Variants in GDF2 observed in about 807,000 individuals in gnomAD.
GDF2 encodes growth/differentiation factor 2.
Under a neutral mutation model 16.9 loss-of-function variants are expected in GDF2, and 17 were observed. The observed-to-expected ratio is 1.00, with a 90% CI of 0.69 to 1.51. The LOEUF (loss-of-function observed/expected upper bound fraction) is 1.51. Ranked by LOEUF, GDF2 falls within the 40% of genes most tolerant of loss-of-function variation. The pLI is 0.00. For synonymous variants in GDF2, 276 were observed against 237.6 expected, an observed-to-expected ratio of 1.16 and a Z score of -1.49; for missense variants, 523 against 556.3, an observed-to-expected ratio of 0.94 and a Z score of 0.60.
intron 1 of GDF2, among the ~76,000 whole-genome samples, chr10:47,324,269 T>TTATA (rs1481735410): frequency 6.6e-6 from 1 of 152,232 alleles, no homozygotes. Flanking sequence ...TTCAAACGAT[T>TTATA]TATACACTGT....
Position 47,322,983 on chromosome 10 carries a change from G to A in GDF2, c.315G>A (p.Ala105=), listed in dbSNP as rs145198623. The A allele has an allele frequency of 4.6e-5, 74 of 1,602,028 alleles. No homozygotes were observed. In the African/African-American group the frequency reaches 7.4e-4, roughly 16 times the overall value. Residue 105 remains alanine, a synonymous_variant, in exon 1 of 2, where the codon GCG becomes GCA. Transcript: ENST00000581492. ...CGTCCGATAAGTCGACTACGCCAGC[G>A]TCCAACATTGTGCGGAGCTTCAGCA... ...RYTSDKSTTP[A]SNIVRSFSME...
Position 47,325,843 on chromosome 10 carries a change from T to C in GDF2, c.*59T>C, listed in dbSNP as rs2061105032. The C allele has an allele frequency of 8.1e-7, 1 of 1,236,558 alleles. No individual in the cohort carries two copies. Among genetic ancestry groups the C allele is most frequent in the Non-Finnish European group, 1.1e-6 (1 of 900,246 alleles). The allele number at this position is 1,236,558 out of a possible 1,614,324, so 76.6% of individuals were successfully genotyped here. On this transcript the variant is annotated 3_prime_UTR_variant, in exon 2 of 2. Coordinates refer to ENST00000581492, the MANE Select transcript of GDF2 (RefSeq NM_016204.4). ...GGGGCTCCACATGAGAGGTCCTGCATGCCCCTGGGCACAACAAGGACTGAT... is the reference window on the plus strand; with the variant it reads ...GGGGCTCCACATGAGAGGTCCTGCACGCCCCTGGGCACAACAAGGACTGAT...
chr10:47,322,871 G>T lies in GDF2; in HGVS notation c.203G>T (p.Arg68Leu), dbSNP rs200330818. 3.1e-6 allele frequency: 5 copies of T among 1,614,026 alleles called. No homozygotes were observed. The highest frequency in any genetic ancestry group is 2.2e-5 in the South Asian group (2 of 91,090). ...FLENVKVDFL[R>L]SLNLSGVPSQ... ...GAGAACGTGAAGGTGGATTTCCTGCGCAGCCTTAACCTGAGTGGGGTCCCT... is the reference window on the plus strand; with the variant it reads ...GAGAACGTGAAGGTGGATTTCCTGCTCAGCCTTAACCTGAGTGGGGTCCCT... Residue 68 changes from arginine to leucine, a missense_variant, in exon 1 of 2, where the codon CGC (arginine) becomes CTC (leucine). Physicochemically the swap from Arg to Leu is moderately radical, Grantham distance 102. Transcript: ENST00000581492.
chr10:47,325,277 C>T lies in GDF2; in HGVS notation c.783C>T (p.His261=), dbSNP rs369794588. ...TCTTTGTTGTCTTCTCCAATGACCA[C>T]AGCAGTGGGACCAAGGAGACCAGGC... ...LPFFVVFSND[H]SSGTKETRLE... The change falls in exon 2 of 2, where the codon CAC becomes CAT. Residue 261 remains histidine, a synonymous_variant. Coordinates refer to ENST00000581492, the MANE Select transcript of GDF2 (RefSeq NM_016204.4). The T allele has an allele frequency of 4.3e-6, 7 of 1,614,078 alleles. No homozygotes were observed. Among genetic ancestry groups the T allele is most frequent in the Non-Finnish European group, 5.9e-6 (7 of 1,180,060 alleles).
Position 47,322,560 on chromosome 10 carries a change from A to G in GDF2, c.-109A>G, listed in dbSNP as rs1334399025. The G allele has an allele frequency of 2.4e-6, 2 of 817,646 alleles. No individual in the cohort carries two copies. Among genetic ancestry groups the G allele is most frequent in the East Asian group, 5.4e-5 (2 of 36,944 alleles). 50.6% of individuals were successfully genotyped at this position (817,646 alleles called of 1,614,324 possible). A position where few individuals can be genotyped will look rare whatever the true frequency, so the allele number is the denominator to read the frequency against. On this transcript the variant is annotated 5_prime_UTR_variant, in exon 1 of 2. Transcript: ENST00000581492. ...GTGCTGGCCAGGACGGTTCCTTCAG[A>G]GCAAACAGCAGGGAGATGCCGGCCC...
Position 47,324,950 on chromosome 10 carries a change from C to T in GDF2, c.456C>T (p.Leu152=), listed in dbSNP as rs781900094. 6.2e-7 allele frequency: 1 copy of T among 1,614,086 alleles called. No individual in the cohort carries two copies. The highest frequency in any genetic ancestry group is 8.5e-7 in the Non-Finnish European group (1 of 1,179,966). ...AGATCACCAGAGCTGAGCTCCGACT[C>T]TATGTCTCCTGTCAAAATCACGTGG... ...HEQITRAELR[L]YVSCQNHVDP... is the part of the protein sequence containing the mutation. The change falls in exon 2 of 2, where the codon CTC becomes CTT. Residue 152 remains leucine (L), a synonymous_variant. Coordinates refer to ENST00000581492, the MANE Select transcript of GDF2 (RefSeq NM_016204.4).
rs2061088707 is a variant in GDF2 at position 47,322,748 on chromosome 10, G to T, written c.80G>T (p.Ser27Ile). ...TCCCTACAGGGGAAGCCACTGCAGA[G>T]CTGGGGACGAGGGTCTGCTGGGGGA... Reference protein sequence around the residue: ...AGSLQGKPLQSWGRGSAGGNA... With the variant: ...AGSLQGKPLQIWGRGSAGGNA... Residue 27 changes from serine (S) to isoleucine (I), a missense_variant, in exon 1 of 2, where the codon AGC becomes ATC. By Grantham distance (142) the Ser-to-Ile change is moderately radical. Transcript: ENST00000581492. The T allele has an allele frequency of 6.2e-7, 1 of 1,610,630 alleles. No individual in the cohort carries two copies. The highest frequency in any genetic ancestry group is 8.5e-7 in the Non-Finnish European group (1 of 1,178,042).
Position 47,322,929 on chromosome 10 carries a change from G to C in GDF2, c.261G>C (p.Gln87His), listed in dbSNP as rs782498720. The change falls in exon 1 of 2, where the codon CAG becomes CAC. Residue 87 changes from glutamine (Q) to histidine (H), a missense_variant. Coordinates refer to ENST00000581492, the MANE Select transcript of GDF2 (RefSeq NM_016204.4). The part of the protein sequence containing the change: ...SQDKTRVEPP[Q>H]YMIDLYNRYT... The stretch of plus-strand genomic sequence containing the variant: ...ACAAAACCAGGGTGGAGCCGCCGCA[G>C]TACATGATTGACCTGTACAACAGGT... The C allele has an allele frequency of 6.2e-6, 10 of 1,614,162 alleles. No homozygotes were observed. The highest frequency in any genetic ancestry group is 7.6e-6 in the Non-Finnish European group (9 of 1,180,014).
At chr10:47,324,817 C>T in intron 1 of GDF2, 24 bp from the exon 2 acceptor site, 1 of 1,531,066 alleles carries the variant, frequency 6.5e-7, no homozygotes, top group Non-Finnish European at 9.0e-7. Flanking sequence ...CAGCAGATGC[C>T]CACCACGTGT....
rs2061106796 is a variant in GDF2, at chr10:47,326,210, C to T, written c.*426C>T. ...GGAAGGAGCAGGCCGCGTGTCACAC[C>T]CATCATTGTATGTTATTTCCCACAA... On this transcript the variant is annotated 3_prime_UTR_variant, in exon 2 of 2. Coordinates refer to ENST00000581492, the MANE Select transcript of GDF2 (RefSeq NM_016204.4). The T allele has an allele frequency of 6.1e-6, 1 of 163,656 alleles. No homozygotes were observed. Among genetic ancestry groups the T allele is most frequent in the African/African-American group, 2.4e-5 (1 of 41,840 alleles). 10.1% of individuals were successfully genotyped at this position (163,656 alleles called of 1,614,324 possible). A position where few individuals can be genotyped will look rare whatever the true frequency, so the allele number is the denominator to read the frequency against.
chr10:47,322,961 C>G lies in GDF2; in HGVS notation c.293C>G (p.Ser98Cys). The G allele has an allele frequency of 1.2e-6, 2 of 1,611,542 alleles. No homozygotes were observed. The highest frequency in any genetic ancestry group is 3.3e-5 in the Admixed American group (2 of 59,988). ...ATTGACCTGTACAACAGGTACACGT[C>G]CGATAAGTCGACTACGCCAGCGTCC... ...YMIDLYNRYT[S>C]DKSTTPASNI... Residue 98 changes from serine to cysteine, a missense_variant, in exon 1 of 2, where the codon TCC becomes TGC. By Grantham distance (112) the Ser-to-Cys change is moderately radical. Transcript: ENST00000581492.
At position 47,327,131 on chromosome 10, in the gene GDF2, G is replaced by A. The variant is rs1054389791; in HGVS notation, c.*1347G>A. ...CAGACTCAGCCTCCCCGAACACAAG[G>A]GAAGATAAGGCTTCCATTTGCTCTG... On this transcript the variant is annotated 3_prime_UTR_variant, in exon 2 of 2. Transcript: ENST00000581492. 6.6e-6 allele frequency among the ~76,000 whole-genome samples: 1 copy of A among 152,212 alleles called. No individual in the cohort carries two copies. The highest frequency in any genetic ancestry group is 2.4e-5 in the African/African-American group (1 of 41,448).
At position 47,325,782 on chromosome 10, in the gene GDF2, T is replaced by C; in HGVS notation, c.1288T>C (p.Ter430GlnextTer62). Residue 430 changes from the stop codon to glutamine, a stop_lost, in exon 2 of 2, where the codon TAG becomes CAG. Coordinates refer to ENST00000581492, the MANE Select transcript of GDF2 (RefSeq NM_016204.4). ...GMSVAECGCR* is the reference protein window; with the variant it reads ...GMSVAECGCRQ ...GAGCGTGGCAGAGTGTGGGTGCAGG[T>C]AGTATCTGCCTGCGGGGCTGGGGAG... 5 of 1,533,698 alleles carry C rather than the reference T, an allele frequency of 3.3e-6. No homozygotes were observed. Among genetic ancestry groups the C allele is most frequent in the South Asian group, 1.3e-5 (1 of 77,684 alleles).
rs1358534877 is a variant in GDF2 at position 47,325,761 on chromosome 10, G to A, written c.1267G>A (p.Val423Met). The A allele has an allele frequency of 5.2e-6, 8 of 1,549,882 alleles. No homozygotes were observed. Among genetic ancestry groups the A allele is most frequent in the South Asian group, 1.2e-5 (1 of 80,146 alleles). Reference protein sequence around the residue: ...TLKYHYEGMSVAECGCR With the variant: ...TLKYHYEGMSMAECGCR ...CAAGTACCATTACGAGGGCATGAGC[G>A]TGGCAGAGTGTGGGTGCAGGTAGTA... The change falls in exon 2 of 2, where the codon GTG (valine) becomes ATG (methionine). Residue 423 changes from valine (V) to methionine (M), a missense_variant. By Grantham distance (21) the Val-to-Met change is conservative (BLOSUM62 1). Coordinates refer to ENST00000581492, the MANE Select transcript of GDF2 (RefSeq NM_016204.4).
Position 47,326,786 on chromosome 10 carries a change from C to G in GDF2, c.*1002C>G, listed in dbSNP as rs2061109122. On this transcript the variant is annotated 3_prime_UTR_variant, in exon 2 of 2. Coordinates refer to ENST00000581492, the MANE Select transcript of GDF2 (RefSeq NM_016204.4). ...GAGGGATGGGGCAGCCTGTGGCCAGCACCTCTGCAGTTACTCTGCATAGCC... is the reference window on the plus strand; with the variant it reads ...GAGGGATGGGGCAGCCTGTGGCCAGGACCTCTGCAGTTACTCTGCATAGCC... 1.3e-5 allele frequency among the ~76,000 whole-genome samples: 2 copies of G among 152,378 alleles called. No homozygotes were observed. Among genetic ancestry groups the G allele is most frequent in the Middle Eastern group, 3.4e-3 (1 of 294 alleles).
chr10:47,323,671 T>A (rs2061093242), intron 1 of GDF2, among the ~76,000 whole-genome samples: 1 of 152,308 alleles, frequency 6.6e-6, no homozygotes, highest in South Asian at 2.1e-4. Flanking sequence ...TCAGACAAGC[T>A]CACATGATGC....
At position 47,325,161 on chromosome 10, in the gene GDF2, A is replaced by G; in HGVS notation, c.667A>G (p.Lys223Glu). 6.2e-7 allele frequency: 1 copy of G among 1,613,952 alleles called. No individual in the cohort carries two copies. The highest frequency in any genetic ancestry group is 8.5e-7 in the Non-Finnish European group (1 of 1,180,034). ...RWVRSDSTKS[K>E]NKLEVTVESH... ...GGTCCGGTCCGACTCCACCAAGAGCAAAAATAAGCTGGAAGTGACTGTGGA... is the reference window on the plus strand; with the variant it reads ...GGTCCGGTCCGACTCCACCAAGAGCGAAAATAAGCTGGAAGTGACTGTGGA... The change falls in exon 2 of 2, where the codon AAA (lysine) becomes GAA (glutamate). Residue 223 changes from lysine to glutamate, a missense_variant. Physicochemically the swap from Lys to Glu is moderately conservative, Grantham distance 56 (BLOSUM62 1). Transcript: ENST00000581492.
chr10:47,322,845 G>T lies in GDF2; in HGVS notation c.177G>T (p.Leu59=). The change falls in exon 1 of 2, where the codon CTG becomes CTT. Residue 59 remains leucine, a synonymous_variant. Transcript: ENST00000581492. ...PEHTFNLKMF[L]ENVKVDFLRS... The stretch of plus-strand genomic sequence containing the variant: ...ACACCTTCAACCTGAAGATGTTTCT[G>T]GAGAACGTGAAGGTGGATTTCCTGC... 6.2e-7 allele frequency: 1 copy of T among 1,614,138 alleles called. No homozygotes were observed. The highest frequency in any genetic ancestry group is 2.2e-5 in the East Asian group (1 of 44,862).
chr10:47,325,807 G>A lies in GDF2; in HGVS notation c.*23G>A, dbSNP rs782234430. On this transcript the variant is annotated 3_prime_UTR_variant, in exon 2 of 2. Coordinates refer to ENST00000581492, the MANE Select transcript of GDF2 (RefSeq NM_016204.4). ...TAGTATCTGCCTGCGGGGCTGGGGA[G>A]GCAGGCCAAAGGGGCTCCACATGAG... The A allele has an allele frequency of 2.0e-6, 3 of 1,493,282 alleles. No individual in the cohort carries two copies. Among genetic ancestry groups the A allele is most frequent in the Non-Finnish European group, 2.7e-6 (3 of 1,114,810 alleles). 92.5% of individuals were successfully genotyped at this position (1,493,282 alleles called of 1,614,324 possible). A position where few individuals can be genotyped will look rare whatever the true frequency, so the allele number is the denominator to read the frequency against.
Sources: gnomAD v4.1 joint callset for allele counts (sites outside exome capture counted in the v4.1 genomes callset) on GRCh38, gnomAD v4.1.1 for gene constraint, MANE v1.5 for transcripts, NCBI Gene and HGNC (gene_info 2026-07-23, HGNC 2026-07-21) for gene names.